Variants in SPATA33 observed in about 807,000 individuals in gnomAD.
SPATA33 encodes the protein spermatogenesis-associated protein 33.
Under a neutral mutation model 8.9 loss-of-function variants are expected in SPATA33, and 10 were observed. That is an observed-to-expected ratio of 1.12 (90% CI 0.69 to 1.90). The LOEUF (loss-of-function observed/expected upper bound fraction) is 1.90, where lower values mean the gene tolerates loss of function less well. Ranked by LOEUF, SPATA33 falls within the 40% of genes most tolerant of loss-of-function variation. The probability of loss-of-function intolerance (pLI) is 0.00; values close to 1 mark genes in which losing one functional copy is unlikely to be tolerated. For missense variants in SPATA33, 241 were observed against 178.3 expected, an observed-to-expected ratio of 1.35 and a Z score of -2.00; for synonymous variants, 96 against 72.8, an observed-to-expected ratio of 1.32 and a Z score of -1.63.
rs180688779 is a variant in SPATA33, at chr16:89,662,248, C to T, written c.211+3827C>T. Among the ~76,000 whole-genome samples the T allele has an allele frequency of 5.0e-3, 756 of 150,752 alleles. 1 individual carries two copies. Among genetic ancestry groups the T allele is most frequent in the Non-Finnish European group, 7.5e-3 (512 of 67,834 alleles). ...AGCAGAGGTTGCAGTGAGCCACGAT[C>T]ATCCCACTGCACTCCAGCCTGGGCA... On this transcript the variant is annotated intron_variant, in intron 2 of 2. Transcript: ENST00000579310.
chr16:89,669,413 TC>T lies in SPATA33; in HGVS notation c.340del (p.Arg114GlyfsTer41). The T allele has an allele frequency of 6.2e-7, 1 of 1,614,110 alleles. No individual in the cohort carries two copies. The highest frequency in any genetic ancestry group is 1.3e-5 in the African/African-American group (1 of 75,030). On this transcript the variant is annotated frameshift_variant, in exon 3 of 3. Transcript: ENST00000579310. LOFTEE classifies it low-confidence loss of function (END_TRUNC). ...GCGGGAGTGACCAGCAGAGAACCAT[TC>T]GGGAGCCGGAGGACTGGGGCCCCTA... ...SSGSDQQRTIREPEDWGPYRR... is the reference protein window; with the variant it reads ...SSGSDQQRTIXEPEDWGPYRR...
At chr16:89,660,858 C>T in intron 2 of SPATA33, 1 of 1,134,862 alleles carries the variant, frequency 8.8e-7, no homozygotes, top group Non-Finnish European at 1.1e-6. Context: ...GCCCAGGAGC[C>T]AGACCTGTGA....
At position 89,669,417 on chromosome 16, in the gene SPATA33, G is replaced by T. The variant is rs773277966; in HGVS notation, c.343G>T (p.Glu115Ter). ...SGSDQQRTIR[E>*]PEDWGPYRRH... is the part of the protein sequence containing the mutation. The stretch of plus-strand genomic sequence containing the variant: ...GAGTGACCAGCAGAGAACCATTCGG[G>T]AGCCGGAGGACTGGGGCCCCTACCG... Residue 115 changes from glutamate to a stop codon, truncating the protein, a stop_gained, in exon 3 of 3, where the codon GAG (glutamate) becomes TAG (stop). Transcript: ENST00000579310. LOFTEE classifies it low-confidence loss of function (END_TRUNC). 1.7e-5 allele frequency: 27 copies of T among 1,614,120 alleles called. No homozygotes were observed. In the South Asian group the frequency reaches 3.0e-4, roughly 18 times the overall value.
At chr16:89,658,106 C>T (rs754050314) in intron 1 of SPATA33, 142 bp from the exon 2 acceptor site, 5 of 1,499,332 alleles carry the variant, frequency 3.3e-6, no homozygotes, top group South Asian at 1.4e-5. Context: ...GCGCGTTTCC[C>T]GCCTGAGGCG....
intron 2 of SPATA33, chr16:89,661,128 CAGT>C (rs1568011587): frequency 1.0e-6 from 1 of 985,318 alleles, no homozygotes; most frequent in East Asian, 1.1e-4. Context: ...TACTATGAAG[CAGT>C]AGTGAGAAGA....
intron 2 of SPATA33, chr16:89,658,635 C>A: frequency 1.5e-6 from 1 of 665,410 alleles, no homozygotes; most frequent in Non-Finnish European, 2.5e-6. Flanking sequence ...TAGGTCAGTT[C>A]CCGAGTGATA....
intron 2 of SPATA33, among the ~76,000 whole-genome samples, chr16:89,666,703 T>C (rs2060030714): frequency 1.3e-5 from 2 of 152,076 alleles, no homozygotes; most frequent in African/African-American, 4.8e-5. Context: ...TGCACTGATA[T>C]TTATTGGATA....
chr16:89,669,523 T>C lies in SPATA33; in HGVS notation c.*26T>C, dbSNP rs1293739809. 1 of 1,604,988 alleles carries C rather than the reference T, an allele frequency of 6.2e-7. No homozygotes were observed. Among genetic ancestry groups the C allele is most frequent in the Non-Finnish European group, 8.5e-7 (1 of 1,174,618 alleles). On this transcript the variant is annotated 3_prime_UTR_variant, in exon 3 of 3. Coordinates refer to ENST00000579310, the MANE Select transcript of SPATA33 (RefSeq NM_001271907.2). ...ACAAGCACCTTTGCATGGCACTCGC[T>C]ACTCCCTGCGATAGGCGTCTCGGGA...
chr16:89,664,577 A>G (rs914070732), intron 2 of SPATA33, among the ~76,000 whole-genome samples: 1 of 150,438 alleles, frequency 6.6e-6, no homozygotes, highest in Non-Finnish European at 1.5e-5. Flanking sequence ...CGACCTGATC[A>G]GGGAAGCCAG....
At chr16:89,660,783 T>G in intron 2 of SPATA33, 1 of 1,019,610 alleles carries the variant, frequency 9.8e-7, no homozygotes, top group Non-Finnish European at 1.3e-6. Context: ...TGGAAATGGT[T>G]TTCGACCTGA....
chr16:89,660,443 G>A (rs2059951880), intron 2 of SPATA33: 2 of 1,231,224 alleles, frequency 1.6e-6, no homozygotes, highest in Non-Finnish European at 2.0e-6. Flanking sequence ...CACACCAGAG[G>A]GTGGGGGAGG....
chr16:89,660,711 G>A, intron 2 of SPATA33: 2 of 744,418 alleles, frequency 2.7e-6, no homozygotes, highest in African/African-American at 1.8e-5. Context: ...AAGCAGATGA[G>A]TGGTTGCTGG....
chr16:89,663,298 C>G (rs1485833075), intron 2 of SPATA33, among the ~76,000 whole-genome samples: 1 of 149,358 alleles, frequency 6.7e-6, no homozygotes, highest in African/African-American at 2.5e-5. Context: ...TCACTGCAAC[C>G]TTGGTCTCCC....
intron 2 of SPATA33, among the ~76,000 whole-genome samples, chr16:89,667,084 T>G (rs1053065343): frequency 2.6e-5 from 4 of 152,142 alleles, no homozygotes; most frequent in African/African-American, 9.7e-5. Context: ...TAAACTCCCC[T>G]GGGGAAAGGG....
At chr16:89,658,546 A>C (rs2059918447) in intron 2 of SPATA33, 125 bp downstream of exon 2, 1 of 1,314,658 alleles carries the variant, frequency 7.6e-7, no homozygotes, top group Non-Finnish European at 1.0e-6. Flanking sequence ...GTAAAGATGA[A>C]ACTGGTTTGT....
chr16:89,668,516 G>T (rs988181519), intron 2 of SPATA33, among the ~76,000 whole-genome samples: 2 of 152,172 alleles, frequency 1.3e-5, no homozygotes, highest in Admixed American at 1.3e-4. Flanking sequence ...GCTCCATCCT[G>T]CTCTCCCAGA....
chr16:89,668,768 C>T (rs1463106539), intron 2 of SPATA33, among the ~76,000 whole-genome samples: 15 of 152,262 alleles, frequency 9.9e-5, no homozygotes, highest in African/African-American at 3.4e-4. Context: ...TTGCTTTGTA[C>T]GTGGCAACGC....
chr16:89,668,537 G>C, intron 2 of SPATA33, among the ~76,000 whole-genome samples: 1 of 152,196 alleles, frequency 6.6e-6, no homozygotes, highest in East Asian at 1.9e-4. Flanking sequence ...AGCCTGAACA[G>C]CTGTGCCCTA....
rs1385939748 is a variant in SPATA33, at chr16:89,657,941, C to T, written c.30C>T (p.Pro10=). The T allele has an allele frequency of 1.3e-6, 2 of 1,517,212 alleles. No individual in the cohort carries two copies. The highest frequency in any genetic ancestry group is 2.4e-5 in the South Asian group (2 of 82,092). The allele number at this position is 1,517,212 out of a possible 1,614,324, so 94.0% of individuals were successfully genotyped here. ...GCCTTTCCAAAAGCAAAGAGAAACC[C>T]AGGAAAGGTAAAGGAGGCGCAGGCG... MGLSKSKEK[P]RKGEEQKKGS... is the part of the protein sequence containing the mutation. The change falls in exon 1 of 3, where the codon CCC becomes CCT. Residue 10 remains proline, a synonymous_variant. Transcript: ENST00000579310.
Sources: allele counts gnomAD v4.1 joint callset (sites outside exome capture counted in the v4.1 genomes callset), GRCh38; gene constraint gnomAD v4.1.1; transcripts MANE v1.5; gene names NCBI Gene and HGNC (gene_info 2026-07-23, HGNC 2026-07-21).